The following SLC2A13 variants were observed in gnomAD, a reference collection of about 807,000 sequenced individuals.
The protein encoded by SLC2A13 is proton myo-inositol cotransporter.
SLC2A13 carries 32 observed loss-of-function variants against 64.4 expected under a neutral mutation model. That is an observed-to-expected ratio of 0.50 (90% confidence interval 0.37 to 0.67). SLC2A13 has a LOEUF of 0.67. Ranked by LOEUF, SLC2A13 falls within the 30% of genes least tolerant of loss-of-function variation. SLC2A13 has a pLI of 0.00. For missense variants in SLC2A13, 743 were observed against 829.2 expected (o/e 0.90, Z 1.28); for synonymous variants, 338 against 327.1 (o/e 1.03, Z -0.36).
At chr12:40,090,165 G>GA (rs1193755339) in intron 1 of SLC2A13, among the ~76,000 whole-genome samples, 2 of 151,958 alleles carry the variant, frequency 1.3e-5, no homozygotes, top group African/African-American at 4.8e-5. Context: ...GGTTTCAAAG[G>GA]AAAAACAAAA....
In SLC2A13 at chr12:39,775,187, TA is replaced by T. The variant is rs111401297; in HGVS notation, c.1446-10330del. Among the ~76,000 whole-genome samples the T allele has an allele frequency of 7.3e-3, 1,107 of 152,324 alleles. 14 individuals carry two copies. The highest frequency in any genetic ancestry group is 0.025 in the African/African-American group (1,044 of 41,562). On this transcript the variant is annotated intron_variant, in intron 7 of 9. Coordinates refer to ENST00000280871, the MANE Select transcript of SLC2A13 (RefSeq NM_052885.4). ...AAGTCTCCCACAATGGAAGGGTAGT[TA>T]ATGCAATTAAGGTACAACTGAATAA...
chr12:40,045,576 TA>T (rs1000935472), intron 2 of SLC2A13, among the ~76,000 whole-genome samples: 8 of 150,258 alleles, frequency 5.3e-5, no homozygotes, highest in Admixed American at 4.7e-4. Context: ...AAAATTCACC[TA>T]AAAAAAAGGA....
intron 7 of SLC2A13, among the ~76,000 whole-genome samples, chr12:39,818,083 A>G (rs1592166981): frequency 3.3e-5 from 5 of 152,150 alleles, no homozygotes; most frequent in Admixed American, 3.3e-4. Context: ...GCATTCTTAC[A>G]CTGCCAGAGA....
intron 4 of SLC2A13, among the ~76,000 whole-genome samples, chr12:39,872,325 T>C (rs1944079031): frequency 6.6e-6 from 1 of 152,210 alleles, no homozygotes; most frequent in Non-Finnish European, 1.5e-5. Flanking sequence ...TGCAAGTCCA[T>C]GGAATGAATC....
intron 2 of SLC2A13, among the ~76,000 whole-genome samples, chr12:40,046,202 G>A (rs1948169151): frequency 6.6e-6 from 1 of 152,152 alleles, no homozygotes. Flanking sequence ...TGATTTGTTT[G>A]GGGTTCTTAT....
intron 3 of SLC2A13, among the ~76,000 whole-genome samples, chr12:39,959,394 T>C (rs1037319477): frequency 1.3e-5 from 2 of 152,170 alleles, no homozygotes; most frequent in Admixed American, 6.5e-5. Context: ...GATGGGCCAG[T>C]TGTCTATAGA....
chr12:39,951,224 C>G (rs28370601), intron 4 of SLC2A13, 33 bp downstream of exon 4: 1 of 1,560,132 alleles, frequency 6.4e-7, no homozygotes, highest in Non-Finnish European at 8.8e-7. Flanking sequence ...CTTTCACAAT[C>G]TTTTCAGTAA....
chr12:39,871,649 T>C, intron 5 of SLC2A13, 149 bp downstream of exon 5: 1 of 675,366 alleles, frequency 1.5e-6, no homozygotes, highest in South Asian at 4.4e-5. Context: ...CTTTTTTTTT[T>C]CTTTTTTGGT....
At chr12:39,985,932 C>CA (rs1380749744) in intron 3 of SLC2A13, among the ~76,000 whole-genome samples, 6 of 152,054 alleles carry the variant, frequency 3.9e-5, no homozygotes, top group Non-Finnish European at 7.4e-5. Flanking sequence ...GGTTTATATA[C>CA]AATAAATGTT....
intron 3 of SLC2A13, among the ~76,000 whole-genome samples, chr12:39,975,134 A>C (rs1468107157): frequency 6.6e-6 from 1 of 152,222 alleles, no homozygotes. Flanking sequence ...AAATACCTTC[A>C]GTTTAGACAA....
chr12:39,991,376 C>T (rs1421262733), intron 3 of SLC2A13, among the ~76,000 whole-genome samples: 2 of 152,170 alleles, frequency 1.3e-5, no homozygotes, highest in Non-Finnish European at 1.5e-5. Flanking sequence ...CATCATCTTC[C>T]GTGTTCACCC....
At chr12:40,064,230 G>A (rs1948473432) in intron 1 of SLC2A13, among the ~76,000 whole-genome samples, 1 of 152,062 alleles carries the variant, frequency 6.6e-6, no homozygotes, top group African/African-American at 2.4e-5. Flanking sequence ...GGGTGACAAA[G>A]AGAGAGTGCC....
At chr12:39,879,648 A>G (rs1944291783) in intron 4 of SLC2A13, among the ~76,000 whole-genome samples, 2 of 152,132 alleles carry the variant, frequency 1.3e-5, no homozygotes, top group East Asian at 3.9e-4. Flanking sequence ...TTGTTTACCC[A>G]ATGCCTATAC....
At chr12:39,939,935 T>G (rs1945990245) in intron 4 of SLC2A13, among the ~76,000 whole-genome samples, 1 of 152,182 alleles carries the variant, frequency 6.6e-6, no homozygotes, top group Admixed American at 6.5e-5. Context: ...GTAATTAGAC[T>G]GAAAGCAATT....
chr12:39,890,363 G>A (rs1362610044), intron 4 of SLC2A13, among the ~76,000 whole-genome samples: 1 of 152,110 alleles, frequency 6.6e-6, no homozygotes, highest in Non-Finnish European at 1.5e-5. Flanking sequence ...TATCCTCAAA[G>A]CTATCGGTGT....
intron 3 of SLC2A13, among the ~76,000 whole-genome samples, chr12:40,001,796 T>C (rs1947325379): frequency 6.6e-6 from 1 of 152,234 alleles, no homozygotes; most frequent in Non-Finnish European, 1.5e-5. Flanking sequence ...TAAAAATAAT[T>C]CTATTTCTTC....
intron 9 of SLC2A13, among the ~76,000 whole-genome samples, chr12:39,763,669 A>G (rs554501899): frequency 1.3e-5 from 2 of 152,248 alleles, no homozygotes; most frequent in South Asian, 2.1e-4. Context: ...TGGTCTAAGC[A>G]GCAGGCATTC....
chr12:39,952,110 C>G (rs1032105383), intron 3 of SLC2A13, among the ~76,000 whole-genome samples: 1 of 152,080 alleles, frequency 6.6e-6, no homozygotes, highest in Non-Finnish European at 1.5e-5. Context: ...TGGATCAGTT[C>G]TGGAAAGCTG....
intron 3 of SLC2A13, among the ~76,000 whole-genome samples, chr12:39,954,434 A>T (rs1280880515): frequency 6.6e-6 from 1 of 152,156 alleles, no homozygotes; most frequent in African/African-American, 2.4e-5. Context: ...GTGTGTGAGG[A>T]AACAACCCAA....
Sources: gnomAD v4.1 joint callset for allele counts (sites outside exome capture counted in the v4.1 genomes callset) on GRCh38, gnomAD v4.1.1 for gene constraint, MANE v1.5 for transcripts, NCBI Gene and HGNC (gene_info 2026-07-23, HGNC 2026-07-21) for gene names.